The following RFX4 variants were observed in gnomAD, a reference collection of about 807,000 sequenced individuals.
RFX4 encodes transcription factor RFX4.
In RFX4, 10 loss-of-function variants were observed where a neutral mutation model predicts 95.0. The observed-to-expected ratio is 0.11, with a 90% CI of 0.06 to 0.18. The LOEUF (loss-of-function observed/expected upper bound fraction) is 0.18. RFX4 is among the 10% of genes least tolerant of loss of function. The probability of loss-of-function intolerance (pLI) is 1.00; values close to 1 mark genes in which losing one functional copy is unlikely to be tolerated. For synonymous variants in RFX4, 321 were observed against 340.7 expected (o/e 0.94, Z 0.64); for missense variants, 640 against 922.0 (o/e 0.69, Z 3.96).
chr12:106,754,448 C>A (rs1313786032), intron 17 of RFX4, among the ~76,000 whole-genome samples: 1 of 152,228 alleles, frequency 6.6e-6, no homozygotes, highest in African/African-American at 2.4e-5. Context: ...GAGAAGGAGA[C>A]AGAGCATGCC....
In RFX4 at chr12:106,761,521, T is replaced by C; in HGVS notation, c.*52T>C. On this transcript the variant is annotated 3_prime_UTR_variant, in exon 18 of 18. Transcript: ENST00000392842. ...TATTAATAATAATAATTAATAATAA[T>C]AATAAACCCAACACCCATCCCCCAG... 8.0e-7 allele frequency: 1 copy of C among 1,242,880 alleles called. No homozygotes were observed. The highest frequency in any genetic ancestry group is 1.0e-6 in the Non-Finnish European group (1 of 972,616). The allele number at this position is 1,242,880 out of a possible 1,614,324, so 77.0% of individuals were successfully genotyped here.
At chr12:106,657,757 A>G (rs1330081779) in intron 4 of RFX4, among the ~76,000 whole-genome samples, 1 of 152,182 alleles carries the variant, frequency 6.6e-6, no homozygotes, top group Non-Finnish European at 1.5e-5. Flanking sequence ...TGCTCTACCC[A>G]TCAAATAAAT....
At chr12:106,671,705 A>AG (rs1468353678) in intron 4 of RFX4, among the ~76,000 whole-genome samples, 5 of 152,092 alleles carry the variant, frequency 3.3e-5, no homozygotes, top group African/African-American at 9.6e-5. Context: ...TCTGTCACCC[A>AG]GGCTGGAGTG....
chr12:106,614,570 G>A (rs1383107024), intron 2 of RFX4, among the ~76,000 whole-genome samples: 1 of 149,148 alleles, frequency 6.7e-6, no homozygotes, highest in Non-Finnish European at 1.5e-5. Context: ...GTGCAGTGGC[G>A]CGATCTCGGC....
At chr12:106,609,354 AT>A (rs2039908404) in intron 2 of RFX4, among the ~76,000 whole-genome samples, 1 of 152,210 alleles carries the variant, frequency 6.6e-6, no homozygotes, top group South Asian at 2.1e-4. Context: ...AAGATGTATC[AT>A]CCTGTGTTTA....
chr12:106,726,033 G>A (rs1471747312), intron 13 of RFX4, among the ~76,000 whole-genome samples: 7 of 152,028 alleles, frequency 4.6e-5, no homozygotes, highest in East Asian at 1.9e-4. Flanking sequence ...GGCAGATCAC[G>A]AGGTCAGGAG....
chr12:106,668,730 T>C (rs1312101495), intron 4 of RFX4, among the ~76,000 whole-genome samples: 1 of 152,204 alleles, frequency 6.6e-6, no homozygotes, highest in African/African-American at 2.4e-5. Context: ...TTGTATATGC[T>C]ACAACTATGA....
At chr12:106,617,279 ACTTT>A (rs2040091713) in intron 2 of RFX4, among the ~76,000 whole-genome samples, 1 of 151,524 alleles carries the variant, frequency 6.6e-6, no homozygotes, top group South Asian at 2.1e-4. Context: ...TCTTCCTTCT[ACTTT>A]CTTTCAGTTT....
chr12:106,756,564 G>GA lies in RFX4; in HGVS notation c.1936-4621dup, dbSNP rs66999948. 1.1e-4 allele frequency among the ~76,000 whole-genome samples: 17 copies of GA among 148,466 alleles called. No individual in the cohort carries two copies. The East Asian group carries it at 1.4e-3, about 12-fold the overall frequency. On this transcript the variant is annotated intron_variant, in intron 17 of 17. Transcript: ENST00000392842. ...TTGGGTTGGTGTCTTGGGCCAAAAA[G>GA]AAAAAAAAAAAATTAATCAATGATA...
At chr12:106,612,837 C>CAA (rs779953907) in intron 2 of RFX4, among the ~76,000 whole-genome samples, 10 of 113,742 alleles carry the variant, frequency 8.8e-5, no homozygotes, top group African/African-American at 1.9e-4. Flanking sequence ...GACTACGTCT[C>CAA]AAAAAAAAAA....
chr12:106,583,025 G>A lies in RFX4; in HGVS notation c.-296G>A. On this transcript the variant is annotated 5_prime_UTR_variant, in exon 1 of 18. Coordinates refer to ENST00000392842, the MANE Select transcript of RFX4 (RefSeq NM_213594.3). ...ATCCGCAAACATTTTGACGGGTTTG[G>A]CTTTGCCCGGCTGGATTACTGAGTG... 2.7e-6 allele frequency: 1 copy of A among 369,952 alleles called. No individual in the cohort carries two copies. 22.9% of individuals were successfully genotyped at this position (369,952 alleles called of 1,614,324 possible).
intron 15 of RFX4, among the ~76,000 whole-genome samples, chr12:106,739,674 T>C (rs953788827): frequency 6.6e-6 from 1 of 152,170 alleles, no homozygotes; most frequent in African/African-American, 2.4e-5. Flanking sequence ...TTAAACCTGA[T>C]ATATGGCCAA....
intron 2 of RFX4, among the ~76,000 whole-genome samples, chr12:106,624,481 C>T (rs947229770): frequency 6.6e-6 from 1 of 152,204 alleles, no homozygotes; most frequent in Non-Finnish European, 1.5e-5. Flanking sequence ...CGCACCACCA[C>T]GTCCAGCTAC....
chr12:106,681,855 G>C, intron 4 of RFX4, 138 bp from the exon 5 acceptor site: 1 of 782,306 alleles, frequency 1.3e-6, no homozygotes, highest in Non-Finnish European at 2.2e-6. Flanking sequence ...CTTCTCCAGG[G>C]TCCTCACAGA....
rs868685978 is a variant in RFX4 at position 106,623,183 on chromosome 12, C to T, written c.130+14300C>T. Among the ~76,000 whole-genome samples the T allele has an allele frequency of 1.5e-4, 22 of 151,702 alleles. 1 individual carries two copies. The Middle Eastern group carries it at 0.01, about 70-fold the overall frequency. ...CCTCCCGAGTAGCTGGGACTACAGGCGCCCACCACTGCACCTGGCTAATTT... is the reference window on the plus strand; with the variant it reads ...CCTCCCGAGTAGCTGGGACTACAGGTGCCCACCACTGCACCTGGCTAATTT... On this transcript the variant is annotated intron_variant, in intron 2 of 17. Coordinates refer to ENST00000392842, the MANE Select transcript of RFX4 (RefSeq NM_213594.3).
intron 5 of RFX4, chr12:106,684,579 A>G (rs988950094): frequency 9.6e-6 from 7 of 725,426 alleles, no homozygotes; most frequent in Non-Finnish European, 1.5e-5. Flanking sequence ...TGGTCTGAAC[A>G]TATTAGATGA....
At position 106,709,412 on chromosome 12, in the gene RFX4, C is replaced by G. The variant is rs1241195871; in HGVS notation, c.916C>G (p.Arg306Gly). 3 of 1,611,986 alleles carry G rather than the reference C, an allele frequency of 1.9e-6. No homozygotes were observed. Among genetic ancestry groups the G allele is most frequent in the Admixed American group, 1.7e-5 (1 of 59,452 alleles). Residue 306 changes from arginine (R) to glycine (G), a missense_variant, in exon 9 of 18, where the codon CGA becomes GGA. Physicochemically the swap from Arg to Gly is moderately radical, Grantham distance 125 (BLOSUM62 -2). Coordinates refer to ENST00000392842, the MANE Select transcript of RFX4 (RefSeq NM_213594.3). ...VALHDLPENL[R>G]NIKFELSRRF... ...TCTCCACGACCTCCCAGAAAACTTG[C>G]GAAACATCAAGTTCGAATGTAAGTA... is the stretch of plus-strand genomic sequence containing the variant.
At chr12:106,664,780 A>T (rs1343962525) in intron 4 of RFX4, among the ~76,000 whole-genome samples, 1 of 151,446 alleles carries the variant, frequency 6.6e-6, no homozygotes, top group African/African-American at 2.4e-5. Flanking sequence ...TTTCTCTGAG[A>T]TTTCTTCTTT....
At chr12:106,748,276 CT>C (rs1349169055) in intron 16 of RFX4, among the ~76,000 whole-genome samples, 5 of 152,164 alleles carry the variant, frequency 3.3e-5, no homozygotes, top group African/African-American at 1.2e-4. Context: ...AGCAGTTCCC[CT>C]GGGTGGCTCT....
Sources: gnomAD v4.1 joint callset for allele counts (sites outside exome capture counted in the v4.1 genomes callset) on GRCh38, gnomAD v4.1.1 for gene constraint, MANE v1.5 for transcripts, NCBI Gene and HGNC (gene_info 2026-07-23, HGNC 2026-07-21) for gene names.